Variants in XIRP2 observed in about 807,000 individuals in gnomAD.
XIRP2 encodes the protein xin actin binding repeat containing 2.
XIRP2 carries 236 observed loss-of-function variants against 277.0 expected under a neutral mutation model. The observed-to-expected ratio is 0.85, with a 90% CI of 0.77 to 0.95. The LOEUF (loss-of-function observed/expected upper bound fraction) is 0.95. XIRP2 is among the 40% of genes least tolerant of loss of function. The pLI is 0.00. For synonymous variants in XIRP2, 1,490 were observed against 1,416.5 expected (o/e 1.05, Z -1.17); for missense variants, 4,640 against 4,157.5 (o/e 1.12, Z -3.19).
At chr2:166,963,113 T>G (rs1351861746) in intron 2 of XIRP2, among the ~76,000 whole-genome samples, 1 of 151,700 alleles carries the variant, frequency 6.6e-6, no homozygotes, top group African/African-American at 2.4e-5. Flanking sequence ...TTGCAATGCA[T>G]CTCATGAATA....
At chr2:167,187,098 A>T (rs966245470) in intron 3 of XIRP2, among the ~76,000 whole-genome samples, 5 of 152,082 alleles carry the variant, frequency 3.3e-5, no homozygotes, top group Admixed American at 1.3e-4. Context: ...CCTTTTCCTC[A>T]TCGGCACTGG....
intron 3 of XIRP2, among the ~76,000 whole-genome samples, chr2:167,201,295 G>T (rs905313625): frequency 2.0e-5 from 3 of 149,458 alleles, no homozygotes; most frequent in Admixed American, 1.4e-4. Flanking sequence ...GAAGGAGGGA[G>T]GGAGGGAAGG....
At chr2:167,009,224 C>T (rs920393892) in intron 2 of XIRP2, among the ~76,000 whole-genome samples, 4 of 117,268 alleles carry the variant, frequency 3.4e-5, no homozygotes, top group Admixed American at 1.0e-4. Flanking sequence ...TCCCCCCACC[C>T]CACAACAGTC....
chr2:167,033,063 G>C (rs1414481529), intron 2 of XIRP2, among the ~76,000 whole-genome samples: 1 of 152,136 alleles, frequency 6.6e-6, no homozygotes, highest in Non-Finnish European at 1.5e-5. Flanking sequence ...ATTAATGTTA[G>C]ACTGGATAAA....
intron 2 of XIRP2, among the ~76,000 whole-genome samples, chr2:167,011,476 G>T (rs1232116355): frequency 1.3e-5 from 2 of 151,618 alleles, no homozygotes; most frequent in South Asian, 2.1e-4. Context: ...CGGTTTGCCA[G>T]TATTTTATTG....
intron 2 of XIRP2, among the ~76,000 whole-genome samples, chr2:166,943,287 T>C (rs181693210): frequency 4.8e-4 from 73 of 152,348 alleles, no homozygotes; most frequent in African/African-American, 1.8e-3. Flanking sequence ...TTTTTAATTT[T>C]AAATATAATT....
At chr2:166,924,073 A>C (rs1234413285) in intron 2 of XIRP2, among the ~76,000 whole-genome samples, 6 of 152,094 alleles carry the variant, frequency 3.9e-5, no homozygotes, top group African/African-American at 9.7e-5. Context: ...AAGGAGTCTG[A>C]ACTGAGTAGG....
chr2:167,244,408 CA>C lies in XIRP2; in HGVS notation c.3018del (p.Glu1007LysfsTer4), dbSNP rs767709731. The C allele has an allele frequency of 2.4e-5, 39 of 1,613,584 alleles. No homozygotes were observed. Among genetic ancestry groups the C allele is most frequent in the Non-Finnish European group, 2.5e-5 (30 of 1,179,808 alleles). The stretch of plus-strand genomic sequence containing the variant: ...ATATCATCAAGTAAAGACAGTCCAG[CA>C]AGAAGAAATCGTAAGAGGTGATGTA... ...GKYHQVKTVQ[Q>X]EEIVRGDVRS... is the part of the protein sequence containing the mutation. On this transcript the variant is annotated frameshift_variant, in exon 9 of 11. Transcript: ENST00000409195. LOFTEE classifies it high-confidence loss of function.
chr2:167,084,320 A>T (rs1443650319), intron 2 of XIRP2, among the ~76,000 whole-genome samples: 1 of 152,066 alleles, frequency 6.6e-6, no homozygotes, highest in African/African-American at 2.4e-5. Context: ...AAGTTTTTTG[A>T]TGTGCTGCTG....
In XIRP2 at chr2:167,250,089, C is replaced by A. The variant is rs1257250795; in HGVS notation, c.8697C>A (p.Leu2899=). The A allele has an allele frequency of 5.6e-6, 9 of 1,613,264 alleles. No individual in the cohort carries two copies. The highest frequency in any genetic ancestry group is 4.0e-5 in the African/African-American group (3 of 74,792). ...PYNSLQEEKC[L]EVKGIQEKQV... ...ATAGTCTGCAGGAAGAAAAATGTCTCGAAGTCAAGGGCATACAAGAGAAAC... is the reference window on the plus strand; with the variant it reads ...ATAGTCTGCAGGAAGAAAAATGTCTAGAAGTCAAGGGCATACAAGAGAAAC... Residue 2899 remains leucine, a synonymous_variant, in exon 9 of 11, where the codon CTC becomes CTA. Coordinates refer to ENST00000409195, the MANE Select transcript of XIRP2 (RefSeq NM_152381.6).
chr2:167,148,371 G>T (rs1001049308), intron 3 of XIRP2, among the ~76,000 whole-genome samples: 1 of 142,458 alleles, frequency 7.0e-6, no homozygotes, highest in African/African-American at 2.6e-5. Flanking sequence ...GACAAAAGTG[G>T]AAAAGGAAAG....
rs763301998 is a variant in XIRP2, at chr2:167,242,551, A to AT, written c.1177-14dup. ...ACTACACTCACCTTTATAAGATTTG[A>AT]TTTTCTCTCCCCTAAAGACTGAAAG... is the stretch of plus-strand genomic sequence containing the variant. On this transcript the variant is annotated splice_polypyrimidine_tract_variant and intron_variant, in intron 8 of 10. Coordinates refer to ENST00000409195, the MANE Select transcript of XIRP2 (RefSeq NM_152381.6). 5.0e-6 allele frequency: 8 copies of AT among 1,589,100 alleles called. No homozygotes were observed. The South Asian group carries it at 5.8e-5, about 11-fold the overall frequency.
At chr2:167,121,794 G>T (rs901143522) in intron 2 of XIRP2, among the ~76,000 whole-genome samples, 4 of 152,056 alleles carry the variant, frequency 2.6e-5, no homozygotes, top group Non-Finnish European at 5.9e-5. Context: ...TGAAAATAAG[G>T]TTACACAGCA....
intron 1 of XIRP2, among the ~76,000 whole-genome samples, chr2:166,892,872 G>A (rs558583161): frequency 6.8e-6 from 1 of 148,146 alleles, no homozygotes; most frequent in East Asian, 2.0e-4. Flanking sequence ...ATATATGTAT[G>A]TGTGTATATA....
intron 2 of XIRP2, among the ~76,000 whole-genome samples, chr2:167,134,079 A>G (rs558375324): frequency 6.6e-5 from 10 of 152,148 alleles, no homozygotes; most frequent in Non-Finnish European, 1.3e-4. Context: ...CAAAGATGAT[A>G]TGATTACCAG....
At position 167,243,584 on chromosome 2, in the gene XIRP2, G is replaced by A; in HGVS notation, c.2192G>A (p.Arg731Lys). The A allele has an allele frequency of 6.2e-7, 1 of 1,614,020 alleles. No homozygotes were observed. Among genetic ancestry groups the A allele is most frequent in the East Asian group, 2.2e-5 (1 of 44,864 alleles). Residue 731 changes from arginine (R) to lysine (K), a missense_variant, in exon 9 of 11, where the codon AGA becomes AAA. Physicochemically the swap from Arg to Lys is conservative, Grantham distance 26. Coordinates refer to ENST00000409195, the MANE Select transcript of XIRP2 (RefSeq NM_152381.6). Reference protein sequence around the residue: ...ELKEIKGNVKRSIKCFETQPL... With the variant: ...ELKEIKGNVKKSIKCFETQPL... The stretch of plus-strand genomic sequence containing the variant: ...AAAGAAATTAAGGGAAATGTTAAAA[G>A]AAGTATAAAATGTTTCGAAACTCAA...
intron 2 of XIRP2, among the ~76,000 whole-genome samples, chr2:167,117,640 ACCCAGCTGAG>A (rs1245316820): frequency 6.6e-6 from 1 of 152,154 alleles, no homozygotes; most frequent in Non-Finnish European, 1.5e-5. Context: ...TCTAATCTAC[ACCCAGCTGAG>A]CTGATTCTAC....
At chr2:167,083,880 C>G (rs558680910) in intron 2 of XIRP2, among the ~76,000 whole-genome samples, 2,458 of 152,036 alleles carry the variant, frequency 0.016, 26 homozygotes, top group African/African-American at 0.025. Flanking sequence ...ATCATGTCGT[C>G]TGCAAACAGG....
intron 2 of XIRP2, among the ~76,000 whole-genome samples, chr2:167,087,770 A>G (rs545272634): frequency 7.9e-5 from 12 of 152,218 alleles, no homozygotes; most frequent in African/African-American, 2.4e-4. Flanking sequence ...TGCGCTTCCC[A>G]AGTGAGGCAA....
Sources: gnomAD v4.1 joint callset for allele counts (sites outside exome capture counted in the v4.1 genomes callset) on GRCh38, gnomAD v4.1.1 for gene constraint, MANE v1.5 for transcripts, NCBI Gene and HGNC (gene_info 2026-07-23, HGNC 2026-07-21) for gene names.